HAPLN1: variants seen among roughly 807,000 people sequenced by gnomAD.
HAPLN1 encodes Cartilage link protein.
Under a neutral mutation model 36.5 loss-of-function variants are expected in HAPLN1, and 13 were observed. That is an observed-to-expected ratio of 0.36 (90% CI 0.23 to 0.57). The LOEUF is 0.57. Ranked by LOEUF, HAPLN1 falls within the 20% of genes least tolerant of loss-of-function variation. HAPLN1 has a pLI of 0.83. For missense variants in HAPLN1, 407 were observed against 439.7 expected (o/e 0.93, Z 0.66); for synonymous variants, 202 against 169.8 (o/e 1.19, Z -1.48).
rs149941211 is a variant in HAPLN1 at position 83,641,403 on chromosome 5, G to C, written c.*93C>G. On this transcript the variant is annotated 3_prime_UTR_variant, in exon 5 of 5. Coordinates refer to ENST00000274341, the MANE Select transcript of HAPLN1 (RefSeq NM_001884.4). ...CAGTAAGTAAAAAAGGGTTATCACAGTTTTGGTAACTTGCATGAGTTCATA... is the reference window on the plus strand; with the variant it reads ...CAGTAAGTAAAAAAGGGTTATCACACTTTTGGTAACTTGCATGAGTTCATA... 1.7e-3 allele frequency: 2,036 copies of C among 1,196,254 alleles called. 3 individuals are homozygous for C. Among genetic ancestry groups the C allele is most frequent in the Non-Finnish European group, 2.2e-3 (1,858 of 857,730 alleles). The allele number at this position is 1,196,254 out of a possible 1,614,324, so 74.1% of individuals were successfully genotyped here. A position where few individuals can be genotyped will look rare whatever the true frequency, so the allele number is the denominator to read the frequency against.
intron 1 of HAPLN1, among the ~76,000 whole-genome samples, chr5:83,682,713 G>T (rs1751035256): frequency 6.6e-6 from 1 of 152,112 alleles, no homozygotes; most frequent in Admixed American, 6.5e-5. Flanking sequence ...GCTCAAAAAA[G>T]GGAAAATACA....
intron 3 of HAPLN1, among the ~76,000 whole-genome samples, chr5:83,645,728 A>G (rs1020606839): frequency 6.6e-6 from 1 of 152,106 alleles, no homozygotes; most frequent in African/African-American, 2.4e-5. Context: ...CTTTTAATGT[A>G]GCCCTTAATC....
At chr5:83,714,536 A>G (rs1367888651) in intron 1 of HAPLN1, among the ~76,000 whole-genome samples, 1 of 151,776 alleles carries the variant, frequency 6.6e-6, no homozygotes, top group African/African-American at 2.4e-5. Context: ...AGAAGCTATG[A>G]TCAGCATCAA....
At chr5:83,697,998 T>C (rs2112626331) in intron 1 of HAPLN1, among the ~76,000 whole-genome samples, 1 of 152,290 alleles carries the variant, frequency 6.6e-6, no homozygotes, top group East Asian at 1.9e-4. Context: ...ATTTTCTTGA[T>C]ATTGTCCTTT....
In HAPLN1 at chr5:83,691,956, T is replaced by C. The variant is rs376130647; in HGVS notation, c.-26-18407A>G. 1.1e-4 allele frequency among the ~76,000 whole-genome samples: 16 copies of C among 152,026 alleles called. 1 individual carries two copies. The East Asian group carries it at 1.7e-3, about 16-fold the overall frequency. ...AAAAGACATTTACAACCAGCCTATA[T>C]AAAACATTTAGAGATGAAAATGACA... On this transcript the variant is annotated intron_variant, in intron 1 of 4. Transcript: ENST00000274341.
rs548516022 is a variant in HAPLN1, at chr5:83,699,866, G to A, written c.-27+20923C>T. Among the ~76,000 whole-genome samples, 131 of 152,224 alleles carry A rather than the reference G, an allele frequency of 8.6e-4. 1 individual carries two copies. The highest frequency in any genetic ancestry group is 3.1e-3 in the African/African-American group (127 of 41,544). On this transcript the variant is annotated intron_variant, in intron 1 of 4. Transcript: ENST00000274341. ...CAACACTTCTATTTTAACATTAAAAGCAGAGTACCAAAATGCTTCCTGCTG... is the reference window on the plus strand; with the variant it reads ...CAACACTTCTATTTTAACATTAAAAACAGAGTACCAAAATGCTTCCTGCTG...
Position 83,641,525 on chromosome 5 carries a change from C to T in HAPLN1, c.1036G>A (p.Gly346Ser). 2 of 1,613,202 alleles carry T rather than the reference C, an allele frequency of 1.2e-6. No individual in the cohort carries two copies. The highest frequency in any genetic ancestry group is 1.7e-6 in the Non-Finnish European group (2 of 1,179,376). ...TTGTATGCTCTGAAGCAGTAGACAC[C>T]ATACAGCTTATGCTTTTTATCTGGG... ...GFPDKKHKLY[G>S]VYCFRAYN The change falls in exon 5 of 5, where the codon GGT becomes AGT. Residue 346 changes from glycine (G) to serine (S), a missense_variant. Gly to Ser is a moderately conservative substitution (Grantham distance 56). Coordinates refer to ENST00000274341, the MANE Select transcript of HAPLN1 (RefSeq NM_001884.4).
chr5:83,716,342 C>G (rs1369246546), intron 1 of HAPLN1, among the ~76,000 whole-genome samples: 2 of 152,148 alleles, frequency 1.3e-5, no homozygotes, highest in Admixed American at 6.5e-5. Context: ...AGATTGAGAA[C>G]CAGCCCTTTA....
chr5:83,693,121 T>C (rs1404736993), intron 1 of HAPLN1, among the ~76,000 whole-genome samples: 1 of 151,920 alleles, frequency 6.6e-6, no homozygotes, highest in Non-Finnish European at 1.5e-5. Flanking sequence ...ATAAAAGTTA[T>C]ATGAGTATGG....
At chr5:83,691,877 CA>C (rs890219355) in intron 1 of HAPLN1, among the ~76,000 whole-genome samples, 3 of 151,534 alleles carry the variant, frequency 2.0e-5, no homozygotes, top group African/African-American at 7.3e-5. Flanking sequence ...ATCTATATTT[CA>C]AATGTTCAAG....
intron 1 of HAPLN1, among the ~76,000 whole-genome samples, chr5:83,698,651 A>G (rs1012320277): frequency 3.9e-5 from 6 of 152,348 alleles, no homozygotes; most frequent in African/African-American, 1.4e-4. Context: ...GGTGCTTTAC[A>G]TATATTATCT....
chr5:83,691,123 A>G (rs1751259901), intron 1 of HAPLN1, among the ~76,000 whole-genome samples: 1 of 152,070 alleles, frequency 6.6e-6, no homozygotes, highest in African/African-American at 2.4e-5. Flanking sequence ...GAGTCATATA[A>G]TTTATTGCCG....
chr5:83,703,553 T>A (rs1345116665), intron 1 of HAPLN1: 1 of 152,130 alleles, frequency 6.6e-6, no homozygotes, highest in Non-Finnish European at 1.5e-5. Flanking sequence ...TCATAAGTAT[T>A]ATCAGCATGA....
rs558652105 is a variant in HAPLN1, at chr5:83,638,300, G to A, written c.*3196C>T. The A allele has an allele frequency of 6.6e-6, 1 of 151,716 alleles. No homozygotes were observed. Among genetic ancestry groups the A allele is most frequent in the Admixed American group, 6.6e-5 (1 of 15,236 alleles). 9.4% of individuals were successfully genotyped at this position (151,716 alleles called of 1,614,324 possible). A position where few individuals can be genotyped will look rare whatever the true frequency, so the allele number is the denominator to read the frequency against. The stretch of plus-strand genomic sequence containing the variant: ...ATACAGATTGATTCTTCTCCTCAAA[G>A]TTATACTTGATATCTATTAAATGCC... On this transcript the variant is annotated 3_prime_UTR_variant, in exon 5 of 5. Coordinates refer to ENST00000274341, the MANE Select transcript of HAPLN1 (RefSeq NM_001884.4).
At chr5:83,695,885 C>G (rs1390266489) in intron 1 of HAPLN1, among the ~76,000 whole-genome samples, 1 of 151,726 alleles carries the variant, frequency 6.6e-6, no homozygotes, top group Non-Finnish European at 1.5e-5. Context: ...TACGTTTTTA[C>G]CATTTACTTT....
At chr5:83,666,554 T>C (rs1486615646) in intron 2 of HAPLN1, among the ~76,000 whole-genome samples, 1 of 152,170 alleles carries the variant, frequency 6.6e-6, no homozygotes, top group Non-Finnish European at 1.5e-5. Context: ...TGTATTGTTT[T>C]AATAGTTCAC....
intron 1 of HAPLN1, among the ~76,000 whole-genome samples, chr5:83,697,077 A>G (rs1251141398): frequency 6.6e-6 from 1 of 152,040 alleles, no homozygotes; most frequent in Non-Finnish European, 1.5e-5. Flanking sequence ...TTCCTGGCAA[A>G]CACTAATCTA....
At chr5:83,695,953 G>A (rs1043978970) in intron 1 of HAPLN1, among the ~76,000 whole-genome samples, 2 of 151,828 alleles carry the variant, frequency 1.3e-5, no homozygotes, top group African/African-American at 4.8e-5. Context: ...AGAAATAGAA[G>A]TCAAACAGAT....
intron 1 of HAPLN1, among the ~76,000 whole-genome samples, chr5:83,683,463 T>C (rs1243251159): frequency 6.6e-6 from 1 of 152,178 alleles, no homozygotes; most frequent in East Asian, 1.9e-4. Flanking sequence ...CAGAAAGCAA[T>C]GGTAGTGCCA....
Sources: gnomAD v4.1 joint callset for allele counts (sites outside exome capture counted in the v4.1 genomes callset) on GRCh38, gnomAD v4.1.1 for gene constraint, MANE v1.5 for transcripts, NCBI Gene and HGNC (gene_info 2026-07-23, HGNC 2026-07-21) for gene names.